EIF4B: variants seen among roughly 807,000 people sequenced by gnomAD.
EIF4B encodes eukaryotic translation initiation factor 4B.
Under a neutral mutation model 79.3 loss-of-function variants are expected in EIF4B, and 8 were observed. The ratio of observed to expected loss-of-function variants is 0.10; its 90% CI spans 0.06 to 0.18. EIF4B has a LOEUF of 0.18. Among genes scored for constraint, EIF4B ranks in the 10% least tolerant of loss-of-function variants. The pLI is 1.00. For missense variants in EIF4B, 515 were observed against 792.4 expected, an observed-to-expected ratio of 0.65 and a Z score of 4.20; for synonymous variants, 238 against 274.7, an observed-to-expected ratio of 0.87 and a Z score of 1.32.
Position 53,028,175 on chromosome 12 carries a change from G to T in EIF4B, c.966G>T (p.Arg322Ser), listed in dbSNP as rs774958022. The change falls in exon 8 of 15, where the codon AGG becomes AGT. Residue 322 changes from arginine to serine, a missense_variant. Coordinates refer to ENST00000262056, the MANE Select transcript of EIF4B (RefSeq NM_001417.7). ...ATGATTACTCTCGGGATGATTATAG[G>T]CGTGATGATAGAGGTAATAGTTTTC... is the stretch of plus-strand genomic sequence containing the variant. Reference protein sequence around the residue: ...SRDDYSRDDYRRDDRGPPQRP... With the variant: ...SRDDYSRDDYSRDDRGPPQRP... 6.3e-6 allele frequency: 10 copies of T among 1,596,460 alleles called. No individual in the cohort carries two copies. Among genetic ancestry groups the T allele is most frequent in the African/African-American group, 1.4e-5 (1 of 73,832 alleles).
Position 53,019,966 on chromosome 12 carries a change from T to C in EIF4B, c.417T>C (p.Phe139=). ...GCAATCCAGAGAGGTTGAAAGGTTT[T>C]GGTTATGCTGAATTTGAGGACCTGG... ...EPSNPERLKG[F]GYAEFEDLDS... is the part of the protein sequence containing the mutation. The change falls in exon 4 of 15, where the codon TTT becomes TTC. Residue 139 remains phenylalanine (F), a synonymous_variant. Coordinates refer to ENST00000262056, the MANE Select transcript of EIF4B (RefSeq NM_001417.7). The C allele has an allele frequency of 6.2e-7, 1 of 1,613,100 alleles. No homozygotes were observed. The highest frequency in any genetic ancestry group is 8.5e-7 in the Non-Finnish European group (1 of 1,179,702).
intron 4 of EIF4B, among the ~76,000 whole-genome samples, chr12:53,020,536 C>T (rs1317502744): frequency 6.6e-6 from 1 of 152,182 alleles, no homozygotes; most frequent in Non-Finnish European, 1.5e-5. Flanking sequence ...CTTGTCAACA[C>T]TGCCCACAAA....
chr12:53,024,345 A>T (rs1328986771), intron 6 of EIF4B, among the ~76,000 whole-genome samples: 3 of 152,260 alleles, frequency 2.0e-5, no homozygotes, highest in Non-Finnish European at 4.4e-5. Flanking sequence ...AAAACCTGTT[A>T]CATTAAGGGG....
intron 1 of EIF4B, chr12:53,008,740 A>G (rs1265963864): frequency 1.3e-5 from 2 of 152,228 alleles, no homozygotes; most frequent in Non-Finnish European, 2.9e-5. Context: ...TTGCTTCTTA[A>G]AAAGAATTCT....
chr12:53,028,387 C>G lies in EIF4B; in HGVS notation c.979+199C>G, dbSNP rs184617060. 1.6e-4 allele frequency among the ~76,000 whole-genome samples: 25 copies of G among 152,050 alleles called. No individual in the cohort carries two copies. The highest frequency in any genetic ancestry group is 3.4e-4 in the Non-Finnish European group (23 of 67,966). ...GGTCAGGAGATCGAGACCATCCTGG[C>G]TAATGGTGAAACCCCGTCTCTACCA... On this transcript the variant is annotated intron_variant, in intron 8 of 14. Transcript: ENST00000262056.
chr12:53,009,189 G>T (rs1943020950), intron 1 of EIF4B, among the ~76,000 whole-genome samples: 1 of 152,070 alleles, frequency 6.6e-6, no homozygotes, highest in African/African-American at 2.4e-5. Flanking sequence ...CCCTTACCTA[G>T]AGGGAATCAA....
intron 14 of EIF4B, 67 bp from the exon 15 acceptor site, chr12:53,040,076 C>A (rs1943606425): frequency 3.2e-6 from 5 of 1,567,194 alleles, no homozygotes; most frequent in East Asian, 2.2e-5. Flanking sequence ...GATCAGTATC[C>A]TGTGTCTTGG....
intron 1 of EIF4B, among the ~76,000 whole-genome samples, chr12:53,008,849 A>G (rs1368001178): frequency 6.6e-6 from 1 of 152,082 alleles, no homozygotes; most frequent in Non-Finnish European, 1.5e-5. Context: ...AACCTGACCA[A>G]CATGGTGAAA....
chr12:53,006,720 G>C (rs1174924781), intron 1 of EIF4B, among the ~76,000 whole-genome samples: 2 of 151,832 alleles, frequency 1.3e-5, no homozygotes, highest in East Asian at 3.9e-4. Flanking sequence ...CACCCTTTCT[G>C]CGCGAGATTG....
chr12:53,017,619 CAG>C (rs1341148184), intron 2 of EIF4B, among the ~76,000 whole-genome samples: 2 of 152,002 alleles, frequency 1.3e-5, no homozygotes, highest in South Asian at 2.1e-4. Context: ...TTTTTTGAGA[CAG>C]AGTCTCTATT....
chr12:53,026,013 C>T (rs931058148), intron 6 of EIF4B, among the ~76,000 whole-genome samples: 1 of 151,928 alleles, frequency 6.6e-6, no homozygotes. Context: ...GCAAGAGAAT[C>T]GCTTGGACCC....
Position 53,019,932 on chromosome 12 carries a change from G to C in EIF4B, c.383G>C (p.Arg128Pro). The change falls in exon 4 of 15, where the codon CGT becomes CCT. Residue 128 changes from arginine to proline, a missense_variant. This residue lies in a region of EIF4B where 105 missense variants were observed against 177.2 expected (regional missense o/e 0.59). Coordinates refer to ENST00000262056, the MANE Select transcript of EIF4B (RefSeq NM_001417.7). ...CAGATCAGTGCAGTGCGTTTACCACGTGAACCCAGCAATCCAGAGAGGTTG... is the reference window on the plus strand; with the variant it reads ...CAGATCAGTGCAGTGCGTTTACCACCTGAACCCAGCAATCCAGAGAGGTTG... ...GLNISAVRLP[R>P]EPSNPERLKG... 1 of 1,611,656 alleles carries C rather than the reference G, an allele frequency of 6.2e-7. No individual in the cohort carries two copies. The highest frequency in any genetic ancestry group is 8.5e-7 in the Non-Finnish European group (1 of 1,179,250).
At position 53,019,430 on chromosome 12, in the gene EIF4B, TATA is replaced by T. The variant is rs1422046285; in HGVS notation, c.360+425_360+427del. The stretch of plus-strand genomic sequence containing the variant: ...AAAAAAATAAAATCAAAATTATATA[TATA>T]TATATTTTTTTTTTTTCTTTTTTTT... On this transcript the variant is annotated intron_variant, in intron 3 of 14. Transcript: ENST00000262056. Among the ~76,000 whole-genome samples the T allele has an allele frequency of 2.4e-3, 149 of 61,208 alleles. 1 individual carries two copies. Among genetic ancestry groups the T allele is most frequent in the Middle Eastern group, 0.015 (2 of 130 alleles). 40.2% of individuals were successfully genotyped at this position (61,208 alleles called of 152,430 possible).
chr12:53,032,703 T>G (rs1238316912), intron 8 of EIF4B, among the ~76,000 whole-genome samples: 7 of 151,382 alleles, frequency 4.6e-5, no homozygotes, highest in Admixed American at 1.3e-4. Flanking sequence ...GTTTGGCACT[T>G]GTTGCCCAGT....
intron 4 of EIF4B, among the ~76,000 whole-genome samples, chr12:53,021,500 A>T (rs1943246358): frequency 6.6e-6 from 1 of 152,222 alleles, no homozygotes; most frequent in Non-Finnish European, 1.5e-5. Flanking sequence ...TTATGTGAGA[A>T]TTATTTTTAA....
At chr12:53,024,705 G>A (rs1943305664) in intron 6 of EIF4B, among the ~76,000 whole-genome samples, 1 of 152,148 alleles carries the variant, frequency 6.6e-6, no homozygotes, top group South Asian at 2.1e-4. Context: ...TGCCCAGACT[G>A]GAGTGCAGTG....
intron 8 of EIF4B, among the ~76,000 whole-genome samples, chr12:53,028,556 CAAA>C (rs781283142): frequency 8.0e-5 from 6 of 74,840 alleles, no homozygotes; most frequent in African/African-American, 1.6e-4. Context: ...CTCCCCATCT[CAAA>C]AAAAAAAAAA....
rs146008363 is a variant in EIF4B at position 53,037,514 on chromosome 12, T to A, written c.1412T>A (p.Leu471Gln). The A allele has an allele frequency of 0.05, 80,712 of 1,613,750 alleles. 2,488 individuals carry two copies. The highest frequency in any genetic ancestry group is 0.056 in the Non-Finnish European group (66,330 of 1,179,744). Reference protein sequence around the residue: ...TSKPPKPDQPLKVMPAPPPKE... With the variant: ...TSKPPKPDQPQKVMPAPPPKE... The stretch of plus-strand genomic sequence containing the variant: ...AAACCTCCCAAACCTGATCAGCCCC[T>A]AAAGGTAATGCCAGCCCCTCCACCA... The change falls in exon 11 of 15, where the codon CTA (leucine) becomes CAA (glutamine). Residue 471 changes from leucine to glutamine, a missense_variant. This residue lies in a region of EIF4B where 146 missense variants were observed against 228.0 expected (regional missense o/e 0.64). Coordinates refer to ENST00000262056, the MANE Select transcript of EIF4B (RefSeq NM_001417.7).
Position 53,040,501 on chromosome 12 carries a change from T to A in EIF4B, c.*278T>A, listed in dbSNP as rs901827597. On this transcript the variant is annotated 3_prime_UTR_variant, in exon 15 of 15. Transcript: ENST00000262056. ...CGTTATGTCACCATGCAGTTGCCAG[T>A]GTGATTAGTGCCTAGGGGTCTCCAT... The A allele has an allele frequency of 3.0e-6, 1 of 337,534 alleles. No homozygotes were observed. 20.9% of individuals were successfully genotyped at this position (337,534 alleles called of 1,614,324 possible).
Sources: allele counts gnomAD v4.1 joint callset (sites outside exome capture counted in the v4.1 genomes callset), GRCh38; gene constraint gnomAD v4.1.1; regional missense constraint gnomAD v4.1.1; transcripts MANE v1.5; gene names NCBI Gene and HGNC (gene_info 2026-07-23, HGNC 2026-07-21).